RSPO2: variants seen among roughly 807,000 people sequenced by gnomAD.
RSPO2 encodes R-spondin 2, also known as R-spondin-2.
A neutral mutation model predicts 30.9 loss-of-function variants in RSPO2; 14 were observed. The observed-to-expected ratio is 0.45, with a 90% CI of 0.30 to 0.71. The LOEUF is 0.71. Ranked by LOEUF, RSPO2 falls within the 30% of genes least tolerant of loss-of-function variation. The pLI is 0.08. For synonymous variants in RSPO2, 107 were observed against 96.4 expected (o/e 1.11, Z -0.64); for missense variants, 264 against 301.9 (o/e 0.87, Z 0.93).
At chr8:107,967,173 T>C (rs1244300103) in intron 3 of RSPO2, among the ~76,000 whole-genome samples, 2 of 152,168 alleles carry the variant, frequency 1.3e-5, no homozygotes, top group African/African-American at 4.8e-5. Context: ...AAAATATGAA[T>C]AGAAATTAAA....
At chr8:107,939,328 C>G (rs1812816947) in intron 5 of RSPO2, among the ~76,000 whole-genome samples, 1 of 151,898 alleles carries the variant, frequency 6.6e-6, no homozygotes, top group South Asian at 2.1e-4. Context: ...AAATTGAATA[C>G]ATTTGATGGC....
At chr8:108,026,257 G>A (rs1811213129) in intron 2 of RSPO2, among the ~76,000 whole-genome samples, 1 of 151,976 alleles carries the variant, frequency 6.6e-6, no homozygotes, top group Admixed American at 6.6e-5. Flanking sequence ...AAGAATGGCT[G>A]AAGAATTGGT....
chr8:108,002,266 A>G (rs1476867943), intron 2 of RSPO2, among the ~76,000 whole-genome samples: 2 of 152,182 alleles, frequency 1.3e-5, no homozygotes, highest in South Asian at 2.1e-4. Flanking sequence ...CCACCCTCAC[A>G]TGGTTCCATG....
intron 3 of RSPO2, among the ~76,000 whole-genome samples, chr8:107,969,588 T>C (rs773363997): frequency 6.6e-6 from 1 of 152,198 alleles, no homozygotes; most frequent in East Asian, 1.9e-4. Context: ...ATTCAAGTGA[T>C]GCATATTTGA....
intron 5 of RSPO2, among the ~76,000 whole-genome samples, chr8:107,915,613 T>G (rs1266974473): frequency 1.3e-5 from 2 of 152,056 alleles, no homozygotes; most frequent in African/African-American, 4.8e-5. Context: ...TGTGTGTGTG[T>G]ATATGTGGAG....
intron 5 of RSPO2, among the ~76,000 whole-genome samples, chr8:107,933,718 T>TA (rs1164980273): frequency 6.6e-6 from 1 of 152,200 alleles, no homozygotes; most frequent in Admixed American, 6.5e-5. Flanking sequence ...GAACAGAAGC[T>TA]AAAACTATCA....
intron 2 of RSPO2, among the ~76,000 whole-genome samples, chr8:108,058,847 T>C (rs1456580905): frequency 1.3e-5 from 2 of 151,650 alleles, no homozygotes; most frequent in East Asian, 1.9e-4. Flanking sequence ...AAAAATTAAT[T>C]CAAGATGGAT....
intron 2 of RSPO2, among the ~76,000 whole-genome samples, chr8:108,070,912 T>C (rs13263135): frequency 0.3 from 46,082 of 152,098 alleles, 7,817 homozygotes; most frequent in African/African-American, 0.46. Flanking sequence ...TTCTTTAATT[T>C]CAAAAATAAA....
chr8:107,932,825 C>CGGT (rs1339935370), intron 5 of RSPO2, among the ~76,000 whole-genome samples: 3 of 152,062 alleles, frequency 2.0e-5, no homozygotes, highest in Admixed American at 6.6e-5. Flanking sequence ...AGCAAGGTAA[C>CGGT]CGATCATTAA....
chr8:107,969,635 A>T (rs1586587932), intron 3 of RSPO2, among the ~76,000 whole-genome samples: 1 of 152,196 alleles, frequency 6.6e-6, no homozygotes, highest in East Asian at 1.9e-4. Context: ...AAATGAACAC[A>T]TTTGCTAAGA....
chr8:108,015,757 G>A (rs1041588130), intron 2 of RSPO2, among the ~76,000 whole-genome samples: 4 of 151,982 alleles, frequency 2.6e-5, no homozygotes, highest in South Asian at 2.1e-4. Flanking sequence ...TCCACTTTTC[G>A]TTGTGTATTT....
intron 3 of RSPO2, among the ~76,000 whole-genome samples, chr8:107,964,605 CA>C (rs1463945295): frequency 4.6e-5 from 7 of 152,148 alleles, no homozygotes; most frequent in African/African-American, 1.4e-4. Flanking sequence ...ATGTGCTTCA[CA>C]GCCCTTGATG....
At chr8:108,079,545 T>C (rs2130738476) in intron 2 of RSPO2, among the ~76,000 whole-genome samples, 1 of 152,294 alleles carries the variant, frequency 6.6e-6, no homozygotes, top group Admixed American at 6.5e-5. Flanking sequence ...TGATTTTAAC[T>C]GACTAAATTA....
chr8:108,050,853 A>G (rs2130678413), intron 2 of RSPO2, among the ~76,000 whole-genome samples: 1 of 152,240 alleles, frequency 6.6e-6, no homozygotes, highest in Non-Finnish European at 1.5e-5. Context: ...TCCAAGGACA[A>G]AAGAATCCTC....
rs895034346 is a variant in RSPO2, at chr8:107,900,308, C to A, written c.*767G>T. 6.6e-6 allele frequency: 1 copy of A among 151,948 alleles called. No homozygotes were observed. Among genetic ancestry groups the A allele is most frequent in the African/African-American group, 2.4e-5 (1 of 41,350 alleles). 9.4% of individuals were successfully genotyped at this position (151,948 alleles called of 1,614,324 possible). A position where few individuals can be genotyped will look rare whatever the true frequency, so the allele number is the denominator to read the frequency against. ...ATATACAAAAACTAGTTTATCCTAC[C>A]CTTACAATGAGAAATAAGCCCACAA... On this transcript the variant is annotated 3_prime_UTR_variant, in exon 6 of 6. Transcript: ENST00000276659.
intron 3 of RSPO2, among the ~76,000 whole-genome samples, chr8:107,972,565 T>G (rs1478983301): frequency 6.6e-6 from 1 of 152,134 alleles, no homozygotes; most frequent in Non-Finnish European, 1.5e-5. Context: ...AAAGCTTTTA[T>G]GTCTCATGTT....
At chr8:107,943,255 C>T (rs1270658229) in intron 5 of RSPO2, among the ~76,000 whole-genome samples, 5 of 152,162 alleles carry the variant, frequency 3.3e-5, no homozygotes, top group Admixed American at 3.3e-4. Flanking sequence ...TAAGTGATCA[C>T]ATATTTTTGA....
intron 3 of RSPO2, chr8:107,983,173 C>T (rs2130507741): frequency 1.9e-6 from 3 of 1,541,116 alleles, no homozygotes; most frequent in African/African-American, 1.4e-5. Flanking sequence ...ATGAGCAGAC[C>T]GTTTATTAGC....
At position 107,921,277 on chromosome 8, in the gene RSPO2, TACACACACACACAC is replaced by T. The variant is rs71308759; in HGVS notation, c.617-20101_617-20088del. On this transcript the variant is annotated intron_variant, in intron 5 of 5. Coordinates refer to ENST00000276659, the MANE Select transcript of RSPO2 (RefSeq NM_178565.5). ...GAAAATCGTTTTGATTAGCAGATTT[TACACACACACACAC>T]ACACACACACACACACACTCCCCTT... Among the ~76,000 whole-genome samples the T allele has an allele frequency of 2.4e-4, 36 of 148,856 alleles. 1 individual carries two copies. In the Middle Eastern group the frequency reaches 0.014, roughly 57 times the overall value.
Sources: gnomAD v4.1 joint callset for allele counts (sites outside exome capture counted in the v4.1 genomes callset) on GRCh38, gnomAD v4.1.1 for gene constraint, MANE v1.5 for transcripts, NCBI Gene and HGNC (gene_info 2026-07-23, HGNC 2026-07-21) for gene names.